Variants in CREB5 observed in about 807,000 individuals in gnomAD.
The protein encoded by CREB5 is cyclic AMP-responsive element-binding protein 5.
Under a neutral mutation model 57.1 loss-of-function variants are expected in CREB5, and 19 were observed. The observed-to-expected ratio is 0.33, with a 90% CI of 0.23 to 0.49. CREB5 has a LOEUF of 0.49. CREB5 is among the 20% of genes least tolerant of loss of function. The probability of loss-of-function intolerance (pLI) is 0.99; values close to 1 mark genes in which losing one functional copy is unlikely to be tolerated. For synonymous variants in CREB5, 238 were observed against 238.3 expected (o/e 1.00, Z 0.01); for missense variants, 579 against 671.6 (o/e 0.86, Z 1.52).
At chr7:28,358,852 C>T (rs1786401149) in intron 1 of CREB5, among the ~76,000 whole-genome samples, 1 of 152,118 alleles carries the variant, frequency 6.6e-6, no homozygotes, top group East Asian at 1.9e-4. Context: ...AAGGATTCTT[C>T]CCCCTTAGTT....
chr7:28,486,674 ATATATAT>A (rs1791566172), intron 1 of CREB5, among the ~76,000 whole-genome samples: 1 of 129,012 alleles, frequency 7.8e-6, no homozygotes. Flanking sequence ...ATGATTTTAT[ATATATAT>A]ATATATATAT....
rs556987852 is a variant in CREB5 at position 28,597,398 on chromosome 7, G to A, written c.464+26861G>A. Reference sequence around the variant, plus strand: ...TATTCTGCCACAGTTGTTTTCAGCTGTCCACTGGGGACCCTGAAAAAGATG... The same window carrying A: ...TATTCTGCCACAGTTGTTTTCAGCTATCCACTGGGGACCCTGAAAAAGATG... On this transcript the variant is annotated intron_variant, in intron 5 of 10. Coordinates refer to ENST00000357727, the MANE Select transcript of CREB5 (RefSeq NM_182898.4). Among the ~76,000 whole-genome samples, 30 of 152,256 alleles carry A rather than the reference G, an allele frequency of 2.0e-4. No homozygotes were observed. In the South Asian group the frequency reaches 5.8e-3, roughly 29 times the overall value.
In CREB5 at chr7:28,736,002, C is replaced by T. The variant is rs557711505; in HGVS notation, c.702+11670C>T. Among the ~76,000 whole-genome samples the T allele has an allele frequency of 2.0e-5, 3 of 151,980 alleles. No individual in the cohort carries two copies. The South Asian group carries it at 6.2e-4, about 32-fold the overall frequency. Reference sequence around the variant, plus strand: ...AATTTTTTACAGAGACAGGGTCTCGCGATGTTGACCAGTCTCAAACTCCTG... The same window carrying T: ...AATTTTTTACAGAGACAGGGTCTCGTGATGTTGACCAGTCTCAAACTCCTG... On this transcript the variant is annotated intron_variant, in intron 7 of 10. Coordinates refer to ENST00000357727, the MANE Select transcript of CREB5 (RefSeq NM_182898.4).
intron 4 of CREB5, among the ~76,000 whole-genome samples, chr7:28,533,882 C>CT (rs34742839): frequency 0.15 from 23,425 of 152,104 alleles, 2,163 homozygotes; most frequent in East Asian, 0.3. Flanking sequence ...GGCTTAACAT[C>CT]TTTTTTTGAA....
chr7:28,447,014 T>C (rs930286416), intron 1 of CREB5, among the ~76,000 whole-genome samples: 2 of 152,158 alleles, frequency 1.3e-5, no homozygotes, highest in African/African-American at 4.8e-5. Context: ...GGAGCTGGAC[T>C]CTGCACCTTG....
rs138965133 is a variant in CREB5, at chr7:28,648,260, C to T, written c.465-70493C>T. On this transcript the variant is annotated intron_variant, in intron 5 of 10. Coordinates refer to ENST00000357727, the MANE Select transcript of CREB5 (RefSeq NM_182898.4). ...GTTGAAAAAGGACCACTGATTAGCA[C>T]CAAAGTGTGTGATTTCTCTTGATAG... 1.8e-3 allele frequency among the ~76,000 whole-genome samples: 280 copies of T among 152,092 alleles called. 2 individuals carry two copies. The highest frequency in any genetic ancestry group is 3.4e-3 in the Middle Eastern group (1 of 294).
intron 5 of CREB5, among the ~76,000 whole-genome samples, chr7:28,628,898 A>G (rs1798101740): frequency 6.6e-6 from 1 of 152,172 alleles, no homozygotes; most frequent in African/African-American, 2.4e-5. Flanking sequence ...GGCATTGAAC[A>G]TTGATAGATT....
intron 1 of CREB5, among the ~76,000 whole-genome samples, chr7:28,339,002 A>C (rs922083440): frequency 5.3e-5 from 8 of 151,912 alleles, no homozygotes; most frequent in Non-Finnish European, 1.0e-4. Flanking sequence ...AATTTACCTG[A>C]TAGGATTCTG....
At chr7:28,650,540 T>G (rs1311001838) in intron 5 of CREB5, among the ~76,000 whole-genome samples, 1 of 152,140 alleles carries the variant, frequency 6.6e-6, no homozygotes, top group Non-Finnish European at 1.5e-5. Flanking sequence ...ATCCTTCAAG[T>G]GGAAGGCTAA....
At chr7:28,691,699 G>C (rs1366422806) in intron 5 of CREB5, among the ~76,000 whole-genome samples, 1 of 152,048 alleles carries the variant, frequency 6.6e-6, no homozygotes, top group Admixed American at 6.6e-5. Flanking sequence ...GCTGCAAAAG[G>C]GCATATGGTG....
At chr7:28,383,932 A>G (rs370877737) in intron 1 of CREB5, among the ~76,000 whole-genome samples, 1 of 152,220 alleles carries the variant, frequency 6.6e-6, no homozygotes, top group African/African-American at 2.4e-5. Context: ...TTTTCCTAAA[A>G]TTGTAATGAA....
intron 7 of CREB5, among the ~76,000 whole-genome samples, chr7:28,725,659 AAAAGAAAGAAAG>A (rs566073621): frequency 1.3e-4 from 20 of 148,370 alleles, no homozygotes; most frequent in Admixed American, 1.2e-3. Flanking sequence ...AAAAAAAAAA[AAAAGAAAGAAAG>A]AAAGAAAGAA....
intron 1 of CREB5, among the ~76,000 whole-genome samples, chr7:28,308,702 G>C (rs1011252400): frequency 6.6e-6 from 1 of 151,984 alleles, no homozygotes; most frequent in Non-Finnish European, 1.5e-5. Context: ...ACAAACTCCT[G>C]GTCTCATCCT....
intron 1 of CREB5, among the ~76,000 whole-genome samples, chr7:28,326,286 C>A (rs1232105353): frequency 6.6e-6 from 1 of 152,018 alleles, no homozygotes; most frequent in East Asian, 1.9e-4. Context: ...TTTTTTAAAC[C>A]AACCTCCTTT....
chr7:28,736,461 G>A (rs140357412), intron 7 of CREB5, among the ~76,000 whole-genome samples: 1 of 152,168 alleles, frequency 6.6e-6, no homozygotes, highest in African/African-American at 2.4e-5. Context: ...GAGCCACTGC[G>A]CCGGACCCCA....
At chr7:28,319,873 C>T (rs1785459972) in intron 1 of CREB5, among the ~76,000 whole-genome samples, 1 of 151,650 alleles carries the variant, frequency 6.6e-6, no homozygotes. Context: ...AAACATTCCC[C>T]TTTATAAATC....
rs961310435 is a variant in CREB5, at chr7:28,570,377, C to G, written c.304C>G (p.His102Asp). 1 of 1,613,446 alleles carries G rather than the reference C, an allele frequency of 6.2e-7. No individual in the cohort carries two copies. The highest frequency in any genetic ancestry group is 1.1e-5 in the South Asian group (1 of 90,960). Residue 102 changes from histidine to aspartate, a missense_variant, in exon 5 of 11, where the codon CAT (histidine) becomes GAT (aspartate). Coordinates refer to ENST00000357727, the MANE Select transcript of CREB5 (RefSeq NM_182898.4). ...CTTCTCTGGGCAGAATATCTCGATG[C>G]ATAATGCAGTTGGTGGGGCCATGAC... ...EESSKRNISM[H>D]NAVGGAMTGP... is the part of the protein sequence containing the mutation.
chr7:28,686,236 T>C (rs977038336), intron 5 of CREB5: 2 of 1,561,638 alleles, frequency 1.3e-6, no homozygotes, highest in Non-Finnish European at 1.8e-6. Context: ...CCTGATTTTA[T>C]AGATTTTTTT....
At chr7:28,538,369 AC>A (rs1230614309) in intron 4 of CREB5, among the ~76,000 whole-genome samples, 3 of 152,038 alleles carry the variant, frequency 2.0e-5, no homozygotes, top group Admixed American at 2.0e-4. Context: ...CTCCATTTCA[AC>A]TAGACACATG....
Sources: allele counts gnomAD v4.1 joint callset (sites outside exome capture counted in the v4.1 genomes callset), GRCh38; gene constraint gnomAD v4.1.1; transcripts MANE v1.5; gene names NCBI Gene and HGNC (gene_info 2026-07-23, HGNC 2026-07-21).